Variants in SH3TC1 observed in about 807,000 individuals in gnomAD.
SH3TC1 encodes SH3 domain and tetratricopeptide repeats 1.
In SH3TC1, 135 loss-of-function variants were observed where a neutral mutation model predicts 117.3. The observed-to-expected ratio is 1.15, with a 90% CI of 1.00 to 1.33. The LOEUF is 1.33. Among genes scored for constraint, SH3TC1 ranks in the 40% most tolerant of loss-of-function variants. The pLI is 0.00. For missense variants in SH3TC1, 2,092 were observed against 1,794.3 expected, an observed-to-expected ratio of 1.17 and a Z score of -3.00; for synonymous variants, 898 against 816.9, an observed-to-expected ratio of 1.10 and a Z score of -1.69.
chr4:8,241,029 C>T lies in SH3TC1; in HGVS notation c.*74C>T. ...GCCTCTCCTGGTGTCGCCGGTGGCT[C>T]ATTTTCTGGCAAATGGAGGCACGAA... On this transcript the variant is annotated 3_prime_UTR_variant, in exon 18 of 18. Coordinates refer to ENST00000245105, the MANE Select transcript of SH3TC1 (RefSeq NM_018986.5). 6.4e-7 allele frequency: 1 copy of T among 1,560,890 alleles called. No individual in the cohort carries two copies. Among genetic ancestry groups the T allele is most frequent in the Non-Finnish European group, 8.6e-7 (1 of 1,157,532 alleles).
At chr4:8,196,765 G>A (rs1276794630), upstream of SH3TC1, among the ~76,000 whole-genome samples, 1 of 152,144 alleles carries the variant, frequency 6.6e-6, no homozygotes, top group African/African-American at 2.4e-5. This position sits in a 1 kb window ranked among gnomAD's most constrained non-coding sequence, Gnocchi z 4.6. Flanking sequence ...TGCAAGGAAG[G>A]GTGGGGTGCT....
Position 8,228,011 on chromosome 4 carries a change from C to G in SH3TC1, c.2317C>G (p.Leu773Val). ...AACTTCCCACTACCTCAGGCAAGCGCTGGCCTCCCTGACCCCGGGCACAGG... is the reference window on the plus strand; with the variant it reads ...AACTTCCCACTACCTCAGGCAAGCGGTGGCCTCCCTGACCCCGGGCACAGG... ...AQTSHYLRQA[L>V]ASLTPGTGQA... The change falls in exon 12 of 18, where the codon CTG (leucine) becomes GTG (valine). Residue 773 changes from leucine (L) to valine (V), a missense_variant. Transcript: ENST00000245105. 6.2e-7 allele frequency: 1 copy of G among 1,611,706 alleles called. No individual in the cohort carries two copies. The highest frequency in any genetic ancestry group is 8.5e-7 in the Non-Finnish European group (1 of 1,179,306).
chr4:8,205,271 G>T lies in SH3TC1; in HGVS notation c.77G>T (p.Gly26Val). Residue 26 changes from glycine (G) to valine (V), a missense_variant, in exon 2 of 18, where the codon GGC becomes GTC. By Grantham distance (109) the Gly-to-Val change is moderately radical. Transcript: ENST00000245105. This position sits in a 1 kb window ranked among gnomAD's most constrained non-coding sequence, Gnocchi z 5.4. Reference protein sequence around the residue: ...GRGPVGPSGGGSTRDQVRTVV... With the variant: ...GRGPVGPSGGVSTRDQVRTVV... ...GGTCCTGTGGGACCCTCAGGAGGTG[G>T]CAGCACCCGGGACCAGGTCCGGACT... 1 of 1,550,582 alleles carries T rather than the reference G, an allele frequency of 6.4e-7. No homozygotes were observed.
chr4:8,201,008 T>C (rs1717794674), intron 1 of SH3TC1, among the ~76,000 whole-genome samples: 1 of 152,160 alleles, frequency 6.6e-6, no homozygotes, highest in Admixed American at 6.5e-5. Flanking sequence ...TAAGGCCCCA[T>C]TCTGAGGTTT....
At chr4:8,202,775 G>T (rs1025131017) in intron 1 of SH3TC1, among the ~76,000 whole-genome samples, 3 of 152,194 alleles carry the variant, frequency 2.0e-5, no homozygotes, top group African/African-American at 7.2e-5. Context: ...AGAGCTAGGG[G>T]ACCCTCTCTA....
rs1355248693 is a variant in SH3TC1, at chr4:8,209,254, C to T, written c.173-494C>T. ...AAGGATCTCGAGATGGAGAGATGATCCCGGATGCTCCAGTGGGCCCTCCAT... is the reference window on the plus strand; with the variant it reads ...AAGGATCTCGAGATGGAGAGATGATTCCGGATGCTCCAGTGGGCCCTCCAT... On this transcript the variant is annotated intron_variant, in intron 2 of 17. Coordinates refer to ENST00000245105, the MANE Select transcript of SH3TC1 (RefSeq NM_018986.5). This position sits in a 1 kb window ranked among gnomAD's most constrained non-coding sequence, Gnocchi z 5.9. 6.6e-6 allele frequency among the ~76,000 whole-genome samples: 1 copy of T among 152,190 alleles called. No individual in the cohort carries two copies. The highest frequency in any genetic ancestry group is 2.4e-5 in the African/African-American group (1 of 41,438).
chr4:8,227,133 C>T lies in SH3TC1; in HGVS notation c.1439C>T (p.Pro480Leu), dbSNP rs770678429. ...TCCAGCGACGTGAGCTTGCAGGACC[C>T]CGAGGAGCCCTCCTTCTGCTTGGAA... ...AASSDVSLQD[P>L]EEPSFCLEAE... Residue 480 changes from proline to leucine, a missense_variant, in exon 12 of 18, where the codon CCC becomes CTC. By Grantham distance (98) the Pro-to-Leu change is moderately conservative. Transcript: ENST00000245105. 3.1e-6 allele frequency: 5 copies of T among 1,612,098 alleles called. No homozygotes were observed. Among genetic ancestry groups the T allele is most frequent in the Non-Finnish European group, 4.2e-6 (5 of 1,179,508 alleles).
chr4:8,239,860 C>A (rs1578764099), intron 17 of SH3TC1, among the ~76,000 whole-genome samples: 1 of 152,204 alleles, frequency 6.6e-6, no homozygotes, highest in Non-Finnish European at 1.5e-5. Context: ...GCACCCGGCA[C>A]AGAGTCCAGT....
chr4:8,208,280 G>T (rs1173077520), intron 2 of SH3TC1, among the ~76,000 whole-genome samples: 1 of 152,198 alleles, frequency 6.6e-6, no homozygotes, highest in Non-Finnish European at 1.5e-5. Flanking sequence ...CATCTGCGGG[G>T]TGTGTTTCGG....
In SH3TC1 at chr4:8,204,566, G is replaced by A. The variant is rs114640235; in HGVS notation, c.-28-601G>A. ...CAAGCCCTCCCTTTGGGGACAGCAG[G>A]GTTCTGACTATGTGCTTGCCATCCT... On this transcript the variant is annotated intron_variant, in intron 1 of 17. Coordinates refer to ENST00000245105, the MANE Select transcript of SH3TC1 (RefSeq NM_018986.5). Among the ~76,000 whole-genome samples, 399 of 152,322 alleles carry A rather than the reference G, an allele frequency of 2.6e-3. 1 individual carries two copies. Among genetic ancestry groups the A allele is most frequent in the Admixed American group, 5.0e-3 (76 of 15,298 alleles).
Position 8,219,643 on chromosome 4 carries a change from A to T in SH3TC1, c.1112+113A>T. ...ACAAGCCTGAAAGTCACTGTGGACG[A>T]TGCCTAGTCTCTTCCCTTGTCCTCA... On this transcript the variant is annotated intron_variant, in intron 9 of 17. Transcript: ENST00000245105. The T allele has an allele frequency of 2.6e-6, 3 of 1,167,278 alleles. No individual in the cohort carries two copies. In the South Asian group the frequency reaches 5.3e-5, roughly 21 times the overall value. 72.3% of individuals were successfully genotyped at this position (1,167,278 alleles called of 1,614,324 possible).
At chr4:8,199,718 G>T (rs1413458667) in intron 1 of SH3TC1, among the ~76,000 whole-genome samples, 1 of 152,206 alleles carries the variant, frequency 6.6e-6, no homozygotes, top group East Asian at 1.9e-4. Flanking sequence ...GCGGCCCTGG[G>T]GGTCTGGGAG....
chr4:8,195,318 G>T (rs993930595), upstream of SH3TC1, among the ~76,000 whole-genome samples: 10 of 152,044 alleles, frequency 6.6e-5, no homozygotes, highest in Admixed American at 3.3e-4. Flanking sequence ...GTGACAGATT[G>T]TCCCGGGAGA....
rs1177253665 is a variant in SH3TC1 at position 8,233,015 on chromosome 4, G to A, written c.3132-348G>A. The A allele has an allele frequency of 8.0e-5, 96 of 1,202,508 alleles. 1 individual carries two copies. The highest frequency in any genetic ancestry group is 9.2e-5 in the Non-Finnish European group (88 of 952,680). 74.5% of individuals were successfully genotyped at this position (1,202,508 alleles called of 1,614,324 possible). On this transcript the variant is annotated intron_variant, in intron 13 of 17. Coordinates refer to ENST00000245105, the MANE Select transcript of SH3TC1 (RefSeq NM_018986.5). ...GCCTCTGGATGACTGTGATGCCTGC[G>A]CACCTTGAGAACCATCGGCCTGGAT...
intron 13 of SH3TC1, chr4:8,232,649 T>G (rs1367449859): frequency 7.7e-7 from 1 of 1,299,340 alleles, no homozygotes; most frequent in Non-Finnish European, 1.0e-6. Context: ...CCCACTTGGC[T>G]CTCCTGGAGC....
At chr4:8,216,925 C>A in intron 6 of SH3TC1, 32 bp from the exon 7 acceptor site, 1 of 1,610,666 alleles carries the variant, frequency 6.2e-7, no homozygotes, top group Non-Finnish European at 8.5e-7. Flanking sequence ...CCAGTCCGGC[C>A]ACCCTCAGTG....
In SH3TC1 at chr4:8,209,177, C is replaced by T. The variant is rs568515105; in HGVS notation, c.173-571C>T. 1.2e-4 allele frequency among the ~76,000 whole-genome samples: 19 copies of T among 152,188 alleles called. No homozygotes were observed. Among genetic ancestry groups the T allele is most frequent in the South Asian group, 2.1e-4 (1 of 4,824 alleles). ...CCCATGTCCTTATCCCCACGACCTA[C>T]GCCTGCATTACCTCATCCAGCAAAG... On this transcript the variant is annotated intron_variant, in intron 2 of 17. Transcript: ENST00000245105. The surrounding 1 kb of genome is among the most constrained non-coding windows in gnomAD (Gnocchi z 5.9).
rs577156676 is a variant in SH3TC1, at chr4:8,190,404, C to T, written c.-57+8194C>T. ...TGCCAAAATTCCAGCTGGGGTCCCA[C>T]CCCTGATTCAGGAAAGTTGGGGCTC... On this transcript the variant is annotated intron_variant, in intron 1 of 16. Transcript: ENST00000508641. The surrounding 1 kb of genome is among the most constrained non-coding windows in gnomAD (Gnocchi z 4.7). Among the ~76,000 whole-genome samples the T allele has an allele frequency of 6.6e-6, 1 of 152,318 alleles. No homozygotes were observed. Among genetic ancestry groups the T allele is most frequent in the South Asian group, 2.1e-4 (1 of 4,828 alleles).
At chr4:8,232,706 G>A (rs544628138) in intron 13 of SH3TC1, 3 of 1,290,100 alleles carry the variant, frequency 2.3e-6, no homozygotes, top group Admixed American at 4.6e-5. Flanking sequence ...CCCACCCACA[G>A]GGCCCAGTGA....
Sources: allele counts gnomAD v4.1 joint callset (sites outside exome capture counted in the v4.1 genomes callset), GRCh38; gene constraint gnomAD v4.1.1; non-coding constraint Gnocchi (gnomAD v3.1); transcripts MANE v1.5; gene names NCBI Gene and HGNC (gene_info 2026-07-23, HGNC 2026-07-21).